Variants in PLCH2 observed in about 807,000 individuals in gnomAD.
PLCH2 encodes the protein phospholipase C eta 2, also known as 1-phosphatidylinositol 4,5-bisphosphate phosphodiesterase eta-2.
In PLCH2, 98 loss-of-function variants were observed where a neutral mutation model predicts 134.7. The ratio of observed to expected loss-of-function variants is 0.73; its 90% confidence interval spans 0.62 to 0.86. The LOEUF is 0.86. Among genes scored for constraint, PLCH2 ranks in the 40% least tolerant of loss-of-function variants. The pLI, the probability that PLCH2 is intolerant of heterozygous loss-of-function variation, is 0.00. For synonymous variants in PLCH2, 974 were observed against 827.5 expected (o/e 1.18, Z -3.04); for missense variants, 1,994 against 1,986.6 (o/e 1.00, Z -0.07).
chr1:2,492,879 G>A (rs1038465721), intron 11 of PLCH2, among the ~76,000 whole-genome samples: 1 of 152,160 alleles, frequency 6.6e-6, no homozygotes, highest in East Asian at 1.9e-4. Flanking sequence ...GGGGGCAGCA[G>A]GAATGGGTAT....
chr1:2,477,971 G>A (rs934085789), intron 1 of PLCH2, among the ~76,000 whole-genome samples: 9 of 152,292 alleles, frequency 5.9e-5, no homozygotes, highest in African/African-American at 1.9e-4. Context: ...GGCCCACCCC[G>A]CCCCTGACAA....
At chr1:2,437,789 A>C (rs1030706936) in intron 2 of PLCH2, among the ~76,000 whole-genome samples, 4 of 152,296 alleles carry the variant, frequency 2.6e-5, no homozygotes, top group African/African-American at 9.6e-5. Context: ...ACCCCCACAC[A>C]CATAGGGAAA....
rs1641623051 is a variant in PLCH2 at position 2,476,464 on chromosome 1, A to G, written c.-125A>G. The G allele has an allele frequency of 2.2e-6, 2 of 897,836 alleles. No individual in the cohort carries two copies. The highest frequency in any genetic ancestry group is 3.5e-4 in the Middle Eastern group (1 of 2,832). 55.6% of individuals were successfully genotyped at this position (897,836 alleles called of 1,614,324 possible). ...CGGAGGGCCCTGAGGAGGAGGAGGA[A>G]GAGGCAGAGGAGAGAAGGCCCCACG... On this transcript the variant is annotated 5_prime_UTR_variant, in exon 1 of 22. Transcript: ENST00000378486.
chr1:2,450,694 G>GC lies in PLCH2; in HGVS notation c.115+20072dup, dbSNP rs1214802826. 1.1e-4 allele frequency among the ~76,000 whole-genome samples: 2 copies of GC among 18,704 alleles called. 1 individual carries two copies. The highest frequency in any genetic ancestry group is 4.2e-3 in the South Asian group (2 of 478). 12.3% of individuals were successfully genotyped at this position (18,704 alleles called of 152,430 possible). On this transcript the variant is annotated intron_variant, in intron 2 of 3. Transcript: ENST00000609981. ...CCCGCCTACCCCCCTCTCCCCGCCT[G>GC]CCCCCCCGCTCCCCGCCTGCCCCCC...
At chr1:2,427,531 G>A (rs1026169976) in intron 1 of PLCH2, among the ~76,000 whole-genome samples, 1 of 152,230 alleles carries the variant, frequency 6.6e-6, no homozygotes, top group African/African-American at 2.4e-5. Context: ...CTTTCCTGGA[G>A]AGGCTGAGGC....
In PLCH2 at chr1:2,448,290, G is replaced by A. The variant is rs1315425052; in HGVS notation, c.115+17661G>A. On this transcript the variant is annotated intron_variant, in intron 2 of 3. Transcript: ENST00000609981. This position sits in a 1 kb window ranked among gnomAD's most constrained non-coding sequence, Gnocchi z 4.0. Reference sequence around the variant, plus strand: ...CAGTCCTGGAGGCTGGAAGTCTGAGGTCAGGGTGTGGGTGGGGCCGCGCTC... The same window carrying A: ...CAGTCCTGGAGGCTGGAAGTCTGAGATCAGGGTGTGGGTGGGGCCGCGCTC... Among the ~76,000 whole-genome samples the A allele has an allele frequency of 6.6e-6, 1 of 152,156 alleles. No individual in the cohort carries two copies. Among genetic ancestry groups the A allele is most frequent in the African/African-American group, 2.4e-5 (1 of 41,418 alleles).
intron 2 of PLCH2, among the ~76,000 whole-genome samples, chr1:2,436,179 C>A: frequency 7.6e-6 from 1 of 131,396 alleles, no homozygotes; most frequent in Non-Finnish European, 1.6e-5. Context: ...CCTCCCTGCT[C>A]CCTCCTTCCT....
At chr1:2,502,538 G>A (rs903699133) in intron 21 of PLCH2, 129 bp downstream of exon 21, 8 of 1,009,862 alleles carry the variant, frequency 7.9e-6, no homozygotes, top group South Asian at 1.4e-5. Context: ...CTGCGCCGGC[G>A]TGAACACCGG....
chr1:2,447,366 A>G (rs1278143170), intron 2 of PLCH2, among the ~76,000 whole-genome samples: 1 of 152,080 alleles, frequency 6.6e-6, no homozygotes, highest in Non-Finnish European at 1.5e-5. Context: ...ACACCTGCAC[A>G]CAGCTGTACA....
At chr1:2,451,852 G>T (rs538672747) in intron 2 of PLCH2, among the ~76,000 whole-genome samples, 1 of 152,280 alleles carries the variant, frequency 6.6e-6, no homozygotes, top group East Asian at 1.9e-4. Context: ...GTGGTGGGGG[G>T]ACTGTGATTC....
In PLCH2 at chr1:2,479,936, C is replaced by T. The variant is rs751732721; in HGVS notation, c.474C>T (p.Ser158=). The change falls in exon 3 of 22, where the codon AGC becomes AGT. Residue 158 remains serine, a synonymous_variant. Coordinates refer to ENST00000378486, the MANE Select transcript of PLCH2 (RefSeq NM_014638.4). ...TGCGCTACCTCATGGCCGGCATCAG[C>T]GACGAGGACAGCCTGGCTCGCCGCC... ...TGLRYLMAGI[S]DEDSLARRQR... 3.2e-5 allele frequency: 52 copies of T among 1,609,056 alleles called. No individual in the cohort carries two copies. The highest frequency in any genetic ancestry group is 4.1e-5 in the Non-Finnish European group (48 of 1,177,682).
chr1:2,480,040 G>C (rs1406959831), intron 3 of PLCH2, 63 bp downstream of exon 3: 16 of 1,578,846 alleles, frequency 1.0e-5, no homozygotes, highest in South Asian at 5.7e-5. Context: ...TGCTCACCCT[G>C]GGGGGGCCTG....
At position 2,505,280 on chromosome 1, in the gene PLCH2, G is replaced by C. The variant is rs1302413783; in HGVS notation, c.*67G>C. 7.7e-6 allele frequency: 10 copies of C among 1,294,274 alleles called. No individual in the cohort carries two copies. The East Asian group carries it at 2.0e-4, about 26-fold the overall frequency. The allele number at this position is 1,294,274 out of a possible 1,614,324, so 80.2% of individuals were successfully genotyped here. ...CAGGGGTGGGCGTGTTGTTTGCTCA[G>C]GAAACAGGGCAGCCAGGCCCCCAAA... On this transcript the variant is annotated 3_prime_UTR_variant, in exon 22 of 22. Coordinates refer to ENST00000378486, the MANE Select transcript of PLCH2 (RefSeq NM_014638.4).
rs966196181 is a variant in PLCH2 at position 2,451,598 on chromosome 1, G to A, written c.115+20969G>A. Among the ~76,000 whole-genome samples the A allele has an allele frequency of 7.2e-5, 11 of 152,264 alleles. No individual in the cohort carries two copies. In the South Asian group the frequency reaches 1.7e-3, roughly 23 times the overall value. On this transcript the variant is annotated intron_variant, in intron 2 of 3. Coordinates refer to the PLCH2 transcript ENST00000609981. ...TATCACCGTGGAGGGCAGCCCTGTGGGAGTCTGCGCCATGGGTGGGCTGGG... is the reference window on the plus strand; with the variant it reads ...TATCACCGTGGAGGGCAGCCCTGTGAGAGTCTGCGCCATGGGTGGGCTGGG...
At chr1:2,454,116 G>GC (rs1640372509) in intron 2 of PLCH2, among the ~76,000 whole-genome samples, 1 of 152,212 alleles carries the variant, frequency 6.6e-6, no homozygotes. Flanking sequence ...GGGCCACCTG[G>GC]CCTCTCCAGC....
intron 4 of PLCH2, 111 bp from the exon 5 acceptor site, chr1:2,484,337 G>A: frequency 2.0e-6 from 2 of 1,018,794 alleles, no homozygotes; most frequent in Non-Finnish European, 2.9e-6. Flanking sequence ...GAGTAGAGGA[G>A]GGTGGGCTTG....
At chr1:2,493,882 T>G (rs1642728875) in intron 11 of PLCH2, 1 of 153,150 alleles carries the variant, frequency 6.5e-6, no homozygotes, top group South Asian at 2.0e-4. Flanking sequence ...CAGTGGCCTC[T>G]TTGCAGCAGT....
chr1:2,451,878 G>A (rs1010027609), intron 2 of PLCH2, among the ~76,000 whole-genome samples: 2 of 152,180 alleles, frequency 1.3e-5, no homozygotes, highest in Non-Finnish European at 2.9e-5. Context: ...GAGCTGTCAC[G>A]GATGCCTGTC....
upstream of PLCH2, among the ~76,000 whole-genome samples, chr1:2,422,353 C>G (rs144628525): frequency 2.3e-3 from 343 of 152,286 alleles, 1 homozygote; most frequent in Middle Eastern, 3.4e-3. Flanking sequence ...AAAATACTTT[C>G]AAAACAAAAA....
Sources: gnomAD v4.1 joint callset for allele counts (sites outside exome capture counted in the v4.1 genomes callset) on GRCh38, gnomAD v4.1.1 for gene constraint, Gnocchi (gnomAD v3.1) non-coding constraint, MANE v1.5 for transcripts, NCBI Gene and HGNC (gene_info 2026-07-23, HGNC 2026-07-21) for gene names.